Variants in MTOR observed in about 807,000 individuals in gnomAD.
MTOR encodes the protein mechanistic target of rapamycin kinase, also known as serine/threonine-protein kinase mTOR.
MTOR carries 70 observed loss-of-function variants against 319.8 expected under a neutral mutation model. The observed-to-expected ratio is 0.22, with a 90% CI of 0.18 to 0.27. The LOEUF (loss-of-function observed/expected upper bound fraction) is 0.27, where lower values mean the gene tolerates loss of function less well. Among genes scored for constraint, MTOR ranks in the 10% least tolerant of loss-of-function variants. The pLI, the probability that MTOR is intolerant of heterozygous loss-of-function variation, is 1.00. For synonymous variants in MTOR, 1,183 were observed against 1,211.4 expected (o/e 0.98, Z 0.49); for missense variants, 1,890 against 3,274.4 (o/e 0.58, Z 10.32).
At chr1:11,208,811 C>CAA (rs1553189400) in intron 25 of MTOR, among the ~76,000 whole-genome samples, 3 of 152,180 alleles carry the variant, frequency 2.0e-5, no homozygotes, top group Admixed American at 2.0e-4. Context: ...CCTCACTACT[C>CAA]AAAGTATGGT....
chr1:11,113,653 T>C lies in MTOR; in HGVS notation c.7300+665A>G, dbSNP rs573952264. Reference sequence around the variant, plus strand: ...TGAGACAAGGTCTCACGCTGTCACCTAGGCTAGAGTGCAGCAGTGGCATGA... The same window carrying C: ...TGAGACAAGGTCTCACGCTGTCACCCAGGCTAGAGTGCAGCAGTGGCATGA... On this transcript the variant is annotated intron_variant, in intron 53 of 57. Coordinates refer to ENST00000361445, the MANE Select transcript of MTOR (RefSeq NM_004958.4). Among the ~76,000 whole-genome samples, 18 of 152,262 alleles carry C rather than the reference T, an allele frequency of 1.2e-4. No homozygotes were observed. In the South Asian group the frequency reaches 3.7e-3, roughly 32 times the overall value.
chr1:11,108,046 T>C, intron 57 of MTOR, 135 bp downstream of exon 57: 1 of 627,064 alleles, frequency 1.6e-6, no homozygotes. Context: ...TAAATATGAA[T>C]TTTTAAAGAG....
Position 11,127,727 on chromosome 1 carries a change from T to C in MTOR, c.6113A>G (p.Tyr2038Cys), listed in dbSNP as rs2100408254. 2 of 1,614,064 alleles carry C rather than the reference T, an allele frequency of 1.2e-6. No homozygotes were observed. The highest frequency in any genetic ancestry group is 1.7e-6 in the Non-Finnish European group (2 of 1,180,026). The change falls in exon 44 of 58, where the codon TAC becomes TGC. Residue 2038 changes from tyrosine (Y) to cysteine (C), a missense_variant. By Grantham distance (194) the Tyr-to-Cys change is radical. Around this residue, in one of 15 missense-constraint regions of MTOR, gnomAD observed 249 missense variants for 596.2 expected, o/e 0.42. Transcript: ENST00000361445. The surrounding 1 kb of genome is among the most constrained non-coding windows in gnomAD (Gnocchi z 5.5). Reference protein sequence around the residue: ...HEGLEEASRLYFGERNVKGMF... With the variant: ...HEGLEEASRLCFGERNVKGMF... ...GCCTTTCACGTTCCTTTCCCCAAAG[T>C]ACAAACGAGATGCCTCTTCCAGGCC...
chr1:11,212,098 A>G lies in MTOR; in HGVS notation c.3561+214T>C, dbSNP rs1453326172. Among the ~76,000 whole-genome samples, 1 of 152,198 alleles carries G rather than the reference A, an allele frequency of 6.6e-6. No individual in the cohort carries two copies. Among genetic ancestry groups the G allele is most frequent in the Non-Finnish European group, 1.5e-5 (1 of 68,034 alleles). ...GGATGGAAGCTCTATGAGAGCAAGG[A>G]CTTTATTCTGTTTACCGTGTTACCC... On this transcript the variant is annotated intron_variant, in intron 23 of 57. Coordinates refer to ENST00000361445, the MANE Select transcript of MTOR (RefSeq NM_004958.4). This position sits in a 1 kb window ranked among gnomAD's most constrained non-coding sequence, Gnocchi z 4.1.
rs575235084 is a variant in MTOR, at chr1:11,219,136, G to A, written c.3031-2902C>T. ...AGGTTGAGGTGGGAGGATCACTTCAGCCTCAGAGGTGAGGTTACAGTGAGC... is the reference window on the plus strand; with the variant it reads ...AGGTTGAGGTGGGAGGATCACTTCAACCTCAGAGGTGAGGTTACAGTGAGC... On this transcript the variant is annotated intron_variant, in intron 19 of 57. Coordinates refer to ENST00000361445, the MANE Select transcript of MTOR (RefSeq NM_004958.4). Among the ~76,000 whole-genome samples, 4 of 152,056 alleles carry A rather than the reference G, an allele frequency of 2.6e-5. No homozygotes were observed. In the South Asian group the frequency reaches 8.3e-4, roughly 32 times the overall value.
At chr1:11,255,753 G>A (rs775264080) in intron 5 of MTOR, among the ~76,000 whole-genome samples, 4 of 150,336 alleles carry the variant, frequency 2.7e-5, no homozygotes, top group Non-Finnish European at 5.9e-5. Context: ...GCTAAGGTGG[G>A]AGAAAATCGC....
At position 11,134,400 on chromosome 1, in the gene MTOR, C is replaced by T. The variant is rs201557303; in HGVS notation, c.5197G>A (p.Ala1733Thr). 5.3e-5 allele frequency: 85 copies of T among 1,614,152 alleles called. No homozygotes were observed. The highest frequency in any genetic ancestry group is 5.0e-4 in the Middle Eastern group (3 of 6,060). ...TGCTTATGCTGCTGGTCCTCAGTAGCGATGGCATGCTGGGCCTGTTGCTGC... is the reference window on the plus strand; with the variant it reads ...TGCTTATGCTGCTGGTCCTCAGTAGTGATGGCATGCTGGGCCTGTTGCTGC... ...TMQQQAQHAI[A>T]TEDQQHKQEL... The change falls in exon 37 of 58, where the codon GCT (alanine) becomes ACT (threonine). Residue 1733 changes from alanine (A) to threonine (T), a missense_variant. Physicochemically the swap from Ala to Thr is moderately conservative, Grantham distance 58. This residue lies in a region of MTOR where 276 missense variants were observed against 459.4 expected (regional missense o/e 0.60). Transcript: ENST00000361445.
intron 12 of MTOR, 105 bp from the exon 13 acceptor site, chr1:11,238,153 T>C (rs965018832): frequency 8.7e-7 from 1 of 1,148,004 alleles, no homozygotes; most frequent in Admixed American, 2.1e-5. Flanking sequence ...AGATTCCAGA[T>C]GCTTTTTCTC....
intron 6 of MTOR, among the ~76,000 whole-genome samples, chr1:11,248,923 G>C (rs897356687): frequency 6.6e-6 from 1 of 152,030 alleles, no homozygotes; most frequent in South Asian, 2.1e-4. Context: ...TTTACAATGG[G>C]CTGCTTAATC....
chr1:11,119,619 G>A (rs1262187630), intron 49 of MTOR, among the ~76,000 whole-genome samples: 1 of 133,430 alleles, frequency 7.5e-6, no homozygotes, highest in Non-Finnish European at 1.5e-5. Context: ...GGTGGCACGC[G>A]CCTGTAATTC....
chr1:11,150,066 T>A (rs1644085377), intron 31 of MTOR, 60 bp downstream of exon 31: 1 of 1,473,998 alleles, frequency 6.8e-7, no homozygotes, highest in Admixed American at 1.7e-5. Context: ...ACTCTTCTGA[T>A]GCGAGCCCCT....
Position 11,128,360 on chromosome 1 carries a change from C to T in MTOR, c.5910+94G>A. The T allele has an allele frequency of 1.5e-6, 2 of 1,360,356 alleles. No individual in the cohort carries two copies. The highest frequency in any genetic ancestry group is 1.8e-5 in the Admixed American group (1 of 55,058). The allele number at this position is 1,360,356 out of a possible 1,614,324, so 84.3% of individuals were successfully genotyped here. ...TGGGCCAGGATGGAACACATGGCTC[C>T]CAGTTCCTGCGCTTGTGTCGCCAGG... On this transcript the variant is annotated intron_variant, in intron 42 of 57. Transcript: ENST00000361445. This position sits in a 1 kb window ranked among gnomAD's most constrained non-coding sequence, Gnocchi z 5.3.
In MTOR at chr1:11,122,061, C is replaced by T. The variant is rs2100362815; in HGVS notation, c.6728G>A (p.Cys2243Tyr). The T allele has an allele frequency of 6.2e-7, 1 of 1,614,240 alleles. No individual in the cohort carries two copies. The highest frequency in any genetic ancestry group is 8.5e-7 in the Non-Finnish European group (1 of 1,180,044). Residue 2243 changes from cysteine (C) to tyrosine (Y), a missense_variant, in exon 48 of 58, where the codon TGT becomes TAT. Cys to Tyr is a radical substitution (Grantham distance 194). Around this residue, in one of 15 missense-constraint regions of MTOR, gnomAD observed 249 missense variants for 596.2 expected, o/e 0.42. Coordinates refer to ENST00000361445, the MANE Select transcript of MTOR (RefSeq NM_004958.4). ...CCGGATGAGGGCGTGCAGTGTGTCA[C>T]AGTGGGGAACCCAGCCAATGAGGCC... ...NSGLIGWVPH[C>Y]DTLHALIRDY...
At chr1:11,173,954 G>C (rs1177740297) in intron 28 of MTOR, among the ~76,000 whole-genome samples, 1 of 152,178 alleles carries the variant, frequency 6.6e-6, no homozygotes, top group East Asian at 1.9e-4. Context: ...TAAGAAGAGA[G>C]CTCACCATAT....
At chr1:11,244,537 A>C (rs1648562025) in intron 8 of MTOR, among the ~76,000 whole-genome samples, 1 of 151,946 alleles carries the variant, frequency 6.6e-6, no homozygotes, top group South Asian at 2.1e-4. Context: ...AGGCTGACGC[A>C]GGAGAATCAC....
intron 37 of MTOR, 41 bp downstream of exon 37, chr1:11,134,310 G>A (rs779117981): frequency 3.2e-6 from 5 of 1,576,204 alleles, no homozygotes; most frequent in Non-Finnish European, 3.5e-6. Context: ...TGGGATGACA[G>A]GGCTGGAATA....
At position 11,212,417 on chromosome 1, in the gene MTOR, G is replaced by A. The variant is rs373476614; in HGVS notation, c.3456C>T (p.Ala1152=). Reference sequence around the variant, plus strand: ...GAACAATAGGGTGAATGATCCGGGAGGCATAGTCAGTGAAATCCAGGGACT... The same window carrying A: ...GAACAATAGGGTGAATGATCCGGGAAGCATAGTCAGTGAAATCCAGGGACT... ...LTESLDFTDY[A]SRIIHPIVRT... Residue 1152 remains alanine, a synonymous_variant, in exon 23 of 58, where the codon GCC becomes GCT. Transcript: ENST00000361445. This position sits in a 1 kb window ranked among gnomAD's most constrained non-coding sequence, Gnocchi z 4.1. 1 of 1,614,174 alleles carries A rather than the reference G, an allele frequency of 6.2e-7. No individual in the cohort carries two copies. The highest frequency in any genetic ancestry group is 8.5e-7 in the Non-Finnish European group (1 of 1,180,024).
At chr1:11,258,455 T>C (rs768891325) in intron 3 of MTOR, 30 bp downstream of exon 3, 2 of 1,489,580 alleles carry the variant, frequency 1.3e-6, no homozygotes, top group East Asian at 2.3e-5. Flanking sequence ...GTGAGTGTGT[T>C]GTTTTTGTGA....
chr1:11,158,562 G>C (rs140082929), intron 29 of MTOR, among the ~76,000 whole-genome samples: 4 of 151,982 alleles, frequency 2.6e-5, no homozygotes, highest in Non-Finnish European at 4.4e-5. Flanking sequence ...CTGGCTCCAC[G>C]TAAGGCAAAC....
Sources: gnomAD v4.1 joint callset for allele counts (sites outside exome capture counted in the v4.1 genomes callset) on GRCh38, gnomAD v4.1.1 for gene constraint, gnomAD v4.1.1 regional missense constraint, Gnocchi (gnomAD v3.1) non-coding constraint, MANE v1.5 for transcripts, NCBI Gene and HGNC (gene_info 2026-07-23, HGNC 2026-07-21) for gene names.